Variants in PLS3 observed in about 807,000 individuals in gnomAD.
The protein encoded by PLS3 is plastin-3.
A neutral mutation model predicts 46.5 loss-of-function variants in PLS3; 11 were observed. That is an observed-to-expected ratio of 0.24 (90% CI 0.15 to 0.39). The LOEUF is 0.39. Among genes scored for constraint, PLS3 ranks in the 10% least tolerant of loss-of-function variants. PLS3 has a pLI of 1.00. For synonymous variants in PLS3, 167 were observed against 162.2 expected, an observed-to-expected ratio of 1.03 and a Z score of -0.22; for missense variants, 308 against 461.8, an observed-to-expected ratio of 0.67 and a Z score of 3.05.
intron 9 of PLS3, 62 bp from the exon 10 acceptor site, chrX:115,643,251 G>A: frequency 1.4e-6 from 1 of 712,098 alleles, no homozygotes; most frequent in Non-Finnish European, 2.2e-6. Context: ...CTATGACAGT[G>A]GGGAAATTTT....
intron 2 of PLS3, among the ~76,000 whole-genome samples, chrX:115,612,106 T>C (rs2074553714): frequency 1.8e-5 from 2 of 111,594 alleles, no homozygotes; most frequent in African/African-American, 6.5e-5. Context: ...GCACACATGT[T>C]AGGTTCTCAG....
intron 1 of PLS3, among the ~76,000 whole-genome samples, chrX:115,578,691 C>CAAAAA (rs373605509): frequency 9.1e-3 from 240 of 26,452 alleles, no homozygotes; most frequent in African/African-American, 9.9e-3. Context: ...CGCCACTGCA[C>CAAAAA]AAAAAAAAAA....
At chrX:115,605,182 G>C (rs1367297370) in intron 1 of PLS3, among the ~76,000 whole-genome samples, 1 of 111,573 alleles carries the variant, frequency 9.0e-6, no homozygotes, top group African/African-American at 3.3e-5. Context: ...CTGTTATCCT[G>C]AAACAACCTT....
rs782212804 is a variant in PLS3 at position 115,563,677 on chromosome X, G to C, written c.-9+2417G>C. On this transcript the variant is annotated intron_variant, in intron 1 of 15. Transcript: ENST00000355899. ...CAAAAACCCTTTGTCTCCTGCAGCA[G>C]CCTCTGAATGACCGGAGCACTCCAG... Among the ~76,000 whole-genome samples the C allele has an allele frequency of 1.1e-4, 12 of 112,117 alleles. No individual in the cohort carries two copies. In the South Asian group the frequency reaches 3.8e-3, roughly 35 times the overall value.
At chrX:115,565,492 C>T (rs7877907) in intron 1 of PLS3, among the ~76,000 whole-genome samples, 4,057 of 111,129 alleles carry the variant, frequency 0.037, 179 homozygotes, top group African/African-American at 0.13. Flanking sequence ...ATTTGACCTT[C>T]GGAAAGTCAT....
At chrX:115,612,745 C>T (rs2074559477) in intron 2 of PLS3, among the ~76,000 whole-genome samples, 2 of 111,566 alleles carry the variant, frequency 1.8e-5, no homozygotes, top group African/African-American at 6.5e-5. Flanking sequence ...TGCTTTGAAA[C>T]TCTCTTTACT....
Position 115,649,374 on chromosome X carries a change from G to A in PLS3, c.1761-55G>A, listed in dbSNP as rs782560263. The A allele has an allele frequency of 8.9e-5, 91 of 1,028,076 alleles. No homozygotes were observed. In the South Asian group the frequency reaches 1.4e-3, roughly 16 times the overall value. The allele number at this position is 1,028,076 out of a possible 1,213,427, so 84.7% of individuals were successfully genotyped here. A position where few individuals can be genotyped will look rare whatever the true frequency, so the allele number is the denominator to read the frequency against. ...ATATATGAGGAAATAGATGTCTTAC[G>A]TGGTGTCCTTAACTGACAAGAATTT... On this transcript the variant is annotated intron_variant, in intron 15 of 15. Coordinates refer to ENST00000355899, the MANE Select transcript of PLS3 (RefSeq NM_005032.7).
At chrX:115,585,742 A>G (rs1443463453) in intron 1 of PLS3, among the ~76,000 whole-genome samples, 2 of 110,975 alleles carry the variant, frequency 1.8e-5, no homozygotes, top group African/African-American at 3.3e-5. Flanking sequence ...AATAGCATTA[A>G]AAACCCCCAG....
intron 3 of PLS3, chrX:115,624,338 C>A (rs2074689959): frequency 9.1e-6 from 1 of 109,936 alleles, no homozygotes; most frequent in South Asian, 3.8e-4. Context: ...TTTTTGTCTC[C>A]AGTTATGGCC....
chrX:115,612,553 A>G (rs1021771669), intron 2 of PLS3, among the ~76,000 whole-genome samples: 2 of 111,200 alleles, frequency 1.8e-5, no homozygotes, highest in Non-Finnish European at 3.8e-5. Context: ...TTGGCAGAGA[A>G]TAGGAAAGAC....
intron 1 of PLS3, among the ~76,000 whole-genome samples, chrX:115,595,327 C>G (rs1442552864): frequency 9.0e-6 from 1 of 111,341 alleles, no homozygotes; most frequent in Non-Finnish European, 1.9e-5. Context: ...GTACTGAAAA[C>G]AAAACAAAAC....
chrX:115,593,175 A>T (rs782336254), intron 1 of PLS3, among the ~76,000 whole-genome samples: 91 of 111,239 alleles, frequency 8.2e-4, no homozygotes, highest in African/African-American at 2.9e-3. Context: ...AATGTTCTTG[A>T]CTATGGACGA....
chrX:115,620,722 T>C (rs1480368470), intron 2 of PLS3, among the ~76,000 whole-genome samples: 1 of 89,892 alleles, frequency 1.1e-5, no homozygotes, highest in African/African-American at 4.1e-5. Context: ...TTTTTTTTTT[T>C]TTTTTTTTGA....
intron 15 of PLS3, among the ~76,000 whole-genome samples, chrX:115,648,524 A>G (rs1307102339): frequency 9.0e-6 from 1 of 110,846 alleles, no homozygotes; most frequent in Non-Finnish European, 1.9e-5. Flanking sequence ...CATTTCAACA[A>G]TATTCAGAAG....
intron 9 of PLS3, among the ~76,000 whole-genome samples, chrX:115,642,072 T>C (rs2074903721): frequency 1.0e-5 from 1 of 98,914 alleles, no homozygotes; most frequent in Non-Finnish European, 2.0e-5. Context: ...AGAGACGAGG[T>C]TTCGCCATGT....
intron 7 of PLS3, 134 bp from the exon 8 acceptor site, chrX:115,636,702 A>G (rs782017318): frequency 5.1e-5 from 23 of 453,992 alleles, no homozygotes; most frequent in African/African-American, 4.8e-4. Context: ...GATTATGAGT[A>G]TCTTGAAACT....
intron 1 of PLS3, among the ~76,000 whole-genome samples, chrX:115,587,085 T>C (rs1222622715): frequency 8.9e-6 from 1 of 112,263 alleles, no homozygotes; most frequent in Admixed American, 9.5e-5. Context: ...TTATTTGTTT[T>C]TTCACTGTGT....
chrX:115,647,417 G>C lies in PLS3; in HGVS notation c.1512-133G>C, dbSNP rs2074964212. On this transcript the variant is annotated intron_variant, in intron 13 of 15. Transcript: ENST00000355899. ...CCACTGCACTCCAGCCTGGGCGACA[G>C]AGCGAGACTCCGTCTCAAAAAAAAG... 5 of 614,456 alleles carry C rather than the reference G, an allele frequency of 8.1e-6. No homozygotes were observed. The South Asian group carries it at 1.3e-4, about 16-fold the overall frequency. The allele number at this position is 614,456 out of a possible 1,213,427, so 50.6% of individuals were successfully genotyped here.
At chrX:115,601,408 A>C (rs1556634581) in intron 1 of PLS3, among the ~76,000 whole-genome samples, 2 of 107,096 alleles carry the variant, frequency 1.9e-5, no homozygotes, top group Non-Finnish European at 3.8e-5. Context: ...TTATCAGGAG[A>C]TTAGCAGTGT....
Sources: gnomAD v4.1 joint callset for allele counts (sites outside exome capture counted in the v4.1 genomes callset) on GRCh38, gnomAD v4.1.1 for gene constraint, MANE v1.5 for transcripts, NCBI Gene and HGNC (gene_info 2026-07-23, HGNC 2026-07-21) for gene names.